Variants in TFRC observed in about 807,000 individuals in gnomAD.
TFRC encodes transferrin receptor protein 1.
TFRC carries 35 observed loss-of-function variants against 85.8 expected under a neutral mutation model. The ratio of observed to expected loss-of-function variants is 0.41; its 90% CI spans 0.31 to 0.54. TFRC has a LOEUF of 0.54. TFRC is among the 20% of genes least tolerant of loss of function. TFRC has a pLI of 0.31. For synonymous variants in TFRC, 362 were observed against 328.6 expected, an observed-to-expected ratio of 1.10 and a Z score of -1.10; for missense variants, 828 against 921.5, an observed-to-expected ratio of 0.90 and a Z score of 1.31.
intron 4 of TFRC, among the ~76,000 whole-genome samples, chr3:196,073,207 A>T (rs974016942): frequency 6.6e-6 from 1 of 151,668 alleles, no homozygotes; most frequent in Non-Finnish European, 1.5e-5. Context: ...GCAACACGTA[A>T]GACTCCATCT....
rs748069754 is a variant in TFRC at position 196,071,432 on chromosome 3, C to G, written c.651G>C (p.Gly217=). The G allele has an allele frequency of 3.7e-6, 6 of 1,614,044 alleles. No individual in the cohort carries two copies. In the East Asian group the frequency reaches 6.7e-5, roughly 18 times the overall value. Residue 217 remains glycine (G), a synonymous_variant, in exon 6 of 19, where the codon GGG becomes GGC. Coordinates refer to ENST00000360110, the MANE Select transcript of TFRC (RefSeq NM_001128148.3). The part of the protein sequence containing the change: ...GRLVYLVENP[G]GYVAYSKAAT... ...CAGCCTTACTATACGCCACATAACC[C>G]CCAGGATTCTCCACCAGGTAAACAA...
chr3:196,069,046 G>A (rs960352955), intron 7 of TFRC, among the ~76,000 whole-genome samples: 7 of 152,066 alleles, frequency 4.6e-5, no homozygotes, highest in African/African-American at 1.7e-4. Context: ...AACCTCCAGG[G>A]CTCAAGCAGT....
intron 4 of TFRC, among the ~76,000 whole-genome samples, chr3:196,073,051 A>ACAAAC (rs1553798527): frequency 6.8e-6 from 1 of 147,956 alleles, no homozygotes; most frequent in Non-Finnish European, 1.5e-5. Flanking sequence ...AAAAAAAAAA[A>ACAAAC]AAAAAAAAAC....
chr3:196,053,696 G>T, intron 17 of TFRC, 138 bp from the exon 18 acceptor site: 1 of 1,003,334 alleles, frequency 1.0e-6, no homozygotes. Context: ...AAAGCACCTT[G>T]CACAGGGGTT....
intron 13 of TFRC, among the ~76,000 whole-genome samples, chr3:196,061,508 G>T (rs1717280056): frequency 6.6e-6 from 1 of 151,506 alleles, no homozygotes; most frequent in African/African-American, 2.4e-5. Flanking sequence ...TTGTTTTTTT[G>T]AGATGGAGTC....
intron 9 of TFRC, among the ~76,000 whole-genome samples, chr3:196,066,161 G>A (rs566712709): frequency 3.3e-5 from 5 of 152,064 alleles, no homozygotes; most frequent in Admixed American, 6.6e-5. Context: ...ACATACTTAC[G>A]TAGTTTATAT....
At chr3:196,064,498 A>G in intron 10 of TFRC, 70 bp from the exon 11 acceptor site, 2 of 1,452,464 alleles carry the variant, frequency 1.4e-6, no homozygotes, top group South Asian at 1.4e-5. Flanking sequence ...GAATTAGCAC[A>G]TCAGTAGAAA....
At chr3:196,062,488 G>A (rs1364875150) in intron 13 of TFRC, 94 bp downstream of exon 13, 24 of 1,084,058 alleles carry the variant, frequency 2.2e-5, no homozygotes, top group Admixed American at 4.0e-5. Flanking sequence ...AGCCGAGATC[G>A]TGCCATTGCA....
intron 12 of TFRC, 56 bp downstream of exon 12, chr3:196,062,797 AC>A (rs1717393523): frequency 6.3e-7 from 1 of 1,594,362 alleles, no homozygotes; most frequent in African/African-American, 1.3e-5. Context: ...TCACTTCTGG[AC>A]AACAGCCTAA....
chr3:196,081,692 TG>T (rs1719197144), intron 1 of TFRC: 2 of 152,148 alleles, frequency 1.3e-5, no homozygotes, highest in African/African-American at 4.8e-5. Flanking sequence ...AGAGCGACAG[TG>T]GGGGTACACC....
chr3:196,070,340 C>T lies in TFRC; in HGVS notation c.688-772G>A, dbSNP rs960022943. On this transcript the variant is annotated intron_variant, in intron 6 of 18. Transcript: ENST00000360110. ...AGTGCAATGGCGCAATATCCGCTCACTGCAACCTCCACCTCCTGGCTTCAA... is the reference window on the plus strand; with the variant it reads ...AGTGCAATGGCGCAATATCCGCTCATTGCAACCTCCACCTCCTGGCTTCAA... Among the ~76,000 whole-genome samples, 3 of 151,340 alleles carry T rather than the reference C, an allele frequency of 2.0e-5. No individual in the cohort carries two copies. In the East Asian group the frequency reaches 5.8e-4, roughly 29 times the overall value.
In TFRC at chr3:196,071,912, G is replaced by GCCAA. The variant is rs1317075729; in HGVS notation, c.584+87_584+90dup. The stretch of plus-strand genomic sequence containing the variant: ...GAGCGAGACTCCATTTCAAAAAAAA[G>GCCAA]CCAACAACACTAACAAAAAGTCTTT... On this transcript the variant is annotated intron_variant, in intron 5 of 18. Transcript: ENST00000360110. 4 of 1,427,900 alleles carry GCCAA rather than the reference G, an allele frequency of 2.8e-6. No homozygotes were observed. The East Asian group carries it at 9.3e-5, about 33-fold the overall frequency. The allele number at this position is 1,427,900 out of a possible 1,614,324, so 88.5% of individuals were successfully genotyped here.
At chr3:196,073,822 T>C in intron 4 of TFRC, 108 bp downstream of exon 4, 5 of 1,179,976 alleles carry the variant, frequency 4.2e-6, no homozygotes, top group East Asian at 2.6e-5. Flanking sequence ...ACAAGTCTTG[T>C]CTTCTCTAAC....
At chr3:196,053,653 T>TA in intron 17 of TFRC, 95 bp from the exon 18 acceptor site, 1 of 1,498,976 alleles carries the variant, frequency 6.7e-7, no homozygotes, top group Non-Finnish European at 9.2e-7. Context: ...AAGATTCTGA[T>TA]AAAAGGAACT....
intron 16 of TFRC, among the ~76,000 whole-genome samples, chr3:196,057,062 C>T (rs9825826): frequency 6.6e-6 from 1 of 152,098 alleles, no homozygotes. Context: ...CTTCGTAATC[C>T]GCCTTCCTTG....
intron 13 of TFRC, 115 bp from the exon 14 acceptor site, chr3:196,060,362 G>T: frequency 3.6e-6 from 3 of 842,798 alleles, no homozygotes; most frequent in Non-Finnish European, 3.8e-6. Flanking sequence ...CAGTGGCCCT[G>T]TGCAACAACT....
At chr3:196,074,777 G>A (rs956240018) in intron 3 of TFRC, among the ~76,000 whole-genome samples, 1 of 151,646 alleles carries the variant, frequency 6.6e-6, no homozygotes, top group African/African-American at 2.4e-5. Context: ...TCCTCAGGAG[G>A]CTGAGGCAGA....
At chr3:196,077,206 T>G (rs899690530) in intron 1 of TFRC, 84 bp from the exon 2 acceptor site, 1 of 905,670 alleles carries the variant, frequency 1.1e-6, no homozygotes, top group Non-Finnish European at 1.7e-6. Flanking sequence ...AAATGATACA[T>G]TAAATTTTTA....
chr3:196,062,524 A>G, intron 13 of TFRC, 58 bp downstream of exon 13: 2 of 1,493,726 alleles, frequency 1.3e-6, no homozygotes, highest in Non-Finnish European at 1.9e-6. Flanking sequence ...CAAGAGCAAA[A>G]CTCCATCTCA....
Sources: allele counts gnomAD v4.1 joint callset (sites outside exome capture counted in the v4.1 genomes callset), GRCh38; gene constraint gnomAD v4.1.1; transcripts MANE v1.5; gene names NCBI Gene and HGNC (gene_info 2026-07-23, HGNC 2026-07-21).